NPLOC4: variants seen among roughly 807,000 people sequenced by gnomAD.
The protein encoded by NPLOC4 is NPL4 homolog, ubiquitin recognition factor, also known as nuclear protein localization protein 4 homolog.
A neutral mutation model predicts 80.6 loss-of-function variants in NPLOC4; 18 were observed. The observed-to-expected ratio is 0.22, with a 90% CI of 0.15 to 0.33. The LOEUF (loss-of-function observed/expected upper bound fraction) is 0.33. Ranked by LOEUF, NPLOC4 falls within the 10% of genes least tolerant of loss-of-function variation. NPLOC4 has a pLI of 1.00. For synonymous variants in NPLOC4, 313 were observed against 301.5 expected (o/e 1.04, Z -0.39); for missense variants, 540 against 786.1 (o/e 0.69, Z 3.74).
intron 1 of NPLOC4, among the ~76,000 whole-genome samples, chr17:81,631,819 G>C (rs1371075410): frequency 6.6e-6 from 1 of 151,460 alleles, no homozygotes; most frequent in Non-Finnish European, 1.5e-5. Context: ...TTTTCCCCGA[G>C]ATGAAGTTTC....
chr17:81,608,944 A>G (rs1260385577), intron 5 of NPLOC4, 122 bp from the exon 6 acceptor site: 2 of 673,436 alleles, frequency 3.0e-6, no homozygotes, highest in African/African-American at 1.8e-5. Flanking sequence ...GCCCACAGTG[A>G]AAGCAGGTAC....
chr17:81,615,706 G>A (rs149344870), intron 3 of NPLOC4, among the ~76,000 whole-genome samples: 318 of 152,312 alleles, frequency 2.1e-3, no homozygotes, highest in South Asian at 8.9e-3. Flanking sequence ...CCTGCCCAGA[G>A]GGGGCAGCTG....
intron 2 of NPLOC4, among the ~76,000 whole-genome samples, chr17:81,629,254 A>G (rs9748184): frequency 0.57 from 82,868 of 145,932 alleles, 25,083 homozygotes; most frequent in East Asian, 0.78. Context: ...GTGCAGTGGC[A>G]CCACCTCGAC....
chr17:81,627,351 C>G (rs1356207171), intron 2 of NPLOC4, among the ~76,000 whole-genome samples: 5 of 150,206 alleles, frequency 3.3e-5, no homozygotes, highest in African/African-American at 7.4e-5. Context: ...GAGATCGCGC[C>G]ACTGCATTCC....
intron 12 of NPLOC4, among the ~76,000 whole-genome samples, chr17:81,586,341 G>C (rs979942964): frequency 3.9e-5 from 6 of 152,136 alleles, no homozygotes; most frequent in Non-Finnish European, 8.8e-5. Flanking sequence ...ACTTTGGGTG[G>C]CCTCACGCCT....
chr17:81,632,281 A>AT (rs2144342683), intron 1 of NPLOC4, among the ~76,000 whole-genome samples: 1 of 150,814 alleles, frequency 6.6e-6, no homozygotes, highest in South Asian at 2.1e-4. Context: ...GGCCTAGCTG[A>AT]TTTTTTATAG....
In NPLOC4 at chr17:81,631,436, ATTTT is replaced by A. The variant is rs70938164; in HGVS notation, c.16-1635_16-1632del. On this transcript the variant is annotated intron_variant, in intron 1 of 16. Transcript: ENST00000331134. ...TTAAAGTGTACATATATATATATAT[ATTTT>A]TTTTTTTTTTTTTTTTTTTTTTCCC... is the stretch of plus-strand genomic sequence containing the variant. Among the ~76,000 whole-genome samples, 1,041 of 117,026 alleles carry A rather than the reference ATTTT, an allele frequency of 8.9e-3. 28 individuals are homozygous for A. Among genetic ancestry groups the A allele is most frequent in the African/African-American group, 0.027 (861 of 32,042 alleles). The allele number at this position is 117,026 out of a possible 152,430, so 76.8% of individuals were successfully genotyped here.
At chr17:81,573,967 A>G (rs1406832679) in intron 12 of NPLOC4, among the ~76,000 whole-genome samples, 2 of 152,186 alleles carry the variant, frequency 1.3e-5, no homozygotes, top group African/African-American at 4.8e-5. Flanking sequence ...GGGCTTCCGC[A>G]TTCTGCGCTC....
At chr17:81,581,856 G>C in intron 12 of NPLOC4, among the ~76,000 whole-genome samples, 1 of 152,222 alleles carries the variant, frequency 6.6e-6, no homozygotes, top group East Asian at 1.9e-4. Context: ...GCAGGAAAGA[G>C]CATCCCGAAA....
At position 81,572,047 on chromosome 17, in the gene NPLOC4, C is replaced by T; in HGVS notation, c.1323G>A (p.Arg441=). ...TGATGAGATACTCCACAGGCAGGGG[C>T]CGGGCCAGCTGGGTGATCTCGTTGC... is the stretch of plus-strand genomic sequence containing the variant. ...KFGNEITQLA[R]PLPVEYLIID... Residue 441 remains arginine (R), a synonymous_variant, in exon 13 of 17, where the codon CGG becomes CGA. Transcript: ENST00000331134. The surrounding 1 kb of genome is among the most constrained non-coding windows in gnomAD (Gnocchi z 4.5). 3.7e-6 allele frequency: 6 copies of T among 1,606,682 alleles called. No individual in the cohort carries two copies. The highest frequency in any genetic ancestry group is 1.1e-5 in the South Asian group (1 of 90,092).
At chr17:81,560,877 G>A (rs1394383927) in intron 16 of NPLOC4, 1 of 152,168 alleles carries the variant, frequency 6.6e-6, no homozygotes, top group Non-Finnish European at 1.5e-5. Context: ...ACTTGACATT[G>A]TCGCGTTTTT....
intron 9 of NPLOC4, among the ~76,000 whole-genome samples, chr17:81,597,955 C>T (rs984739982): frequency 4.5e-5 from 6 of 134,368 alleles, no homozygotes; most frequent in Non-Finnish European, 9.7e-5. Flanking sequence ...ATTAGCCGGG[C>T]GTGGTGGCGG....
In NPLOC4 at chr17:81,559,026, G is replaced by C. The variant is rs1007700563; in HGVS notation, c.*233C>G. The C allele has an allele frequency of 9.4e-6, 5 of 529,994 alleles. No individual in the cohort carries two copies. The highest frequency in any genetic ancestry group is 1.3e-5 in the Non-Finnish European group (4 of 298,788). The allele number at this position is 529,994 out of a possible 1,614,324, so 32.8% of individuals were successfully genotyped here. The stretch of plus-strand genomic sequence containing the variant: ...AGGATTAGGCGTGAGGAGCCGCTCT[G>C]CGTTTCCAGTCTGGAGACTGCATTC... On this transcript the variant is annotated 3_prime_UTR_variant, in exon 17 of 17. Coordinates refer to ENST00000331134, the MANE Select transcript of NPLOC4 (RefSeq NM_017921.4).
chr17:81,609,668 C>T (rs2035292742), intron 5 of NPLOC4, among the ~76,000 whole-genome samples: 1 of 152,162 alleles, frequency 6.6e-6, no homozygotes, highest in Non-Finnish European at 1.5e-5. Flanking sequence ...CTCTATTAAA[C>T]ACAAAACGCT....
At chr17:81,594,461 C>A (rs916719035) in intron 11 of NPLOC4, among the ~76,000 whole-genome samples, 23 of 151,932 alleles carry the variant, frequency 1.5e-4, no homozygotes, top group Admixed American at 5.3e-4. Flanking sequence ...GGCAACACAG[C>A]AAGACTTCAT....
chr17:81,568,548 A>G (rs1874160328), intron 14 of NPLOC4, among the ~76,000 whole-genome samples: 1 of 152,136 alleles, frequency 6.6e-6, no homozygotes, highest in Non-Finnish European at 1.5e-5. Context: ...GCGTGACAGC[A>G]AATCGGACCT....
At chr17:81,568,506 A>G (rs7406408) in intron 14 of NPLOC4, among the ~76,000 whole-genome samples, 93,875 of 152,242 alleles carry the variant, frequency 0.62, 30,978 homozygotes, top group Non-Finnish European at 0.73. Flanking sequence ...AAGAACAACC[A>G]TGTGTACACA....
chr17:81,595,530 A>ATTTTTTTTTTTTT (rs200287444), intron 11 of NPLOC4, among the ~76,000 whole-genome samples: 3 of 113,122 alleles, frequency 2.7e-5, no homozygotes, highest in Non-Finnish European at 3.9e-5. Context: ...ACATATATAT[A>ATTTTTTTTTTTTT]TATATTTTTT....
At chr17:81,634,124 G>C (rs567250251) in intron 1 of NPLOC4, among the ~76,000 whole-genome samples, 1 of 150,988 alleles carries the variant, frequency 6.6e-6, no homozygotes, top group East Asian at 1.9e-4. Flanking sequence ...CACCTGCCTC[G>C]GCCTTCCAAA....
Sources: allele counts gnomAD v4.1 joint callset (sites outside exome capture counted in the v4.1 genomes callset), GRCh38; gene constraint gnomAD v4.1.1; non-coding constraint Gnocchi (gnomAD v3.1); transcripts MANE v1.5; gene names NCBI Gene and HGNC (gene_info 2026-07-23, HGNC 2026-07-21).